CFAP54: variants seen among roughly 807,000 people sequenced by gnomAD.
The protein encoded by CFAP54 is cilia and flagella associated protein 54.
A neutral mutation model predicts 370.4 loss-of-function variants in CFAP54; 290 were observed. The observed-to-expected ratio is 0.78, with a 90% CI of 0.71 to 0.86. The LOEUF (loss-of-function observed/expected upper bound fraction) is 0.86, where lower values mean the gene tolerates loss of function less well. Among genes scored for constraint, CFAP54 ranks in the 40% least tolerant of loss-of-function variants. CFAP54 has a pLI of 0.00. For missense variants in CFAP54, 3,399 were observed against 3,528.7 expected (o/e 0.96, Z 0.93); for synonymous variants, 1,206 against 1,236.5 (o/e 0.98, Z 0.52).
chr12:96,759,795 C>T (rs950025325), intron 58 of CFAP54, among the ~76,000 whole-genome samples: 2 of 152,254 alleles, frequency 1.3e-5, no homozygotes, highest in Non-Finnish European at 2.9e-5. Context: ...GGATCCTTAC[C>T]TCTTAGAGTG....
At chr12:96,556,113 A>G (rs1955748151) in intron 17 of CFAP54, among the ~76,000 whole-genome samples, 1 of 152,050 alleles carries the variant, frequency 6.6e-6, no homozygotes, top group South Asian at 2.1e-4. Context: ...TTCCAGATGC[A>G]CCAAAGAGTT....
intron 1 of CFAP54, among the ~76,000 whole-genome samples, chr12:96,499,022 A>G (rs147871386): frequency 7.7e-4 from 118 of 152,306 alleles, no homozygotes; most frequent in African/African-American, 2.7e-3. Flanking sequence ...TCTTTTGCCC[A>G]GGCTGGAGTG....
intron 19 of CFAP54, among the ~76,000 whole-genome samples, chr12:96,569,866 G>A (rs954940276): frequency 2.0e-5 from 3 of 152,058 alleles, no homozygotes; most frequent in Admixed American, 2.0e-4. Context: ...AACTATATTA[G>A]CAGTAGTTGG....
At chr12:96,671,968 A>G (rs575895380) in intron 39 of CFAP54, among the ~76,000 whole-genome samples, 2 of 150,132 alleles carry the variant, frequency 1.3e-5, no homozygotes, top group South Asian at 2.1e-4. Flanking sequence ...GAAAGAAAGA[A>G]AGAGAGAGAG....
At chr12:96,547,832 C>T in intron 14 of CFAP54, 70 bp from the exon 15 acceptor site, 1 of 728,518 alleles carries the variant, frequency 1.4e-6, no homozygotes, top group Non-Finnish European at 2.1e-6. Flanking sequence ...CCTACTTTTC[C>T]TTTTTTTTCA....
At chr12:96,678,476 T>A (rs1409622607) in intron 39 of CFAP54, among the ~76,000 whole-genome samples, 1 of 152,168 alleles carries the variant, frequency 6.6e-6, no homozygotes, top group Non-Finnish European at 1.5e-5. Flanking sequence ...GGTCTCAAAC[T>A]CCTAACCTCA....
intron 24 of CFAP54, 73 bp from the exon 25 acceptor site, chr12:96,594,218 A>C (rs543395521): frequency 1.0e-5 from 11 of 1,059,862 alleles, no homozygotes; most frequent in Admixed American, 8.6e-5. Flanking sequence ...CACATTTTCT[A>C]CCCATTCTCC....
rs113105476 is a variant in CFAP54 at position 96,527,900 on chromosome 12, C to T, written c.1357+456C>T. Reference sequence around the variant, plus strand: ...TTTATATTGATCTTGAATTCAGAAACCTTGCTAAGGTCAATTGATATTTCA... The same window carrying T: ...TTTATATTGATCTTGAATTCAGAAATCTTGCTAAGGTCAATTGATATTTCA... On this transcript the variant is annotated intron_variant, in intron 9 of 67. Coordinates refer to ENST00000524981, the MANE Select transcript of CFAP54 (RefSeq NM_001306084.2). Among the ~76,000 whole-genome samples the T allele has an allele frequency of 4.2e-3, 633 of 152,252 alleles. 6 individuals are homozygous for T. The highest frequency in any genetic ancestry group is 0.014 in the African/African-American group (590 of 41,562).
At chr12:96,814,801 C>A (rs1015121294) in intron 64 of CFAP54, among the ~76,000 whole-genome samples, 2 of 152,118 alleles carry the variant, frequency 1.3e-5, no homozygotes, top group African/African-American at 4.8e-5. Context: ...TGAGAACATG[C>A]AGGGTTTGGT....
At chr12:96,728,179 A>C (rs1182943416) in intron 50 of CFAP54, among the ~76,000 whole-genome samples, 11 of 151,964 alleles carry the variant, frequency 7.2e-5, no homozygotes, top group African/African-American at 2.7e-4. Context: ...CTCGAGGAGT[A>C]TCTTTGTGGC....
Position 96,518,956 on chromosome 12 carries a change from T to A in CFAP54, c.827T>A (p.Met276Lys), listed in dbSNP as rs1453496472. 3.3e-6 allele frequency: 5 copies of A among 1,535,900 alleles called. No homozygotes were observed. The highest frequency in any genetic ancestry group is 4.4e-6 in the Non-Finnish European group (5 of 1,146,748). Residue 276 changes from methionine (M) to lysine (K), a missense_variant, in exon 6 of 68, where the codon ATG (methionine) becomes AAG (lysine). Physicochemically the swap from Met to Lys is moderately conservative, Grantham distance 95 (BLOSUM62 -1). Transcript: ENST00000524981. ...KALEYLLWASMCMESLVPLLS... is the reference protein window; with the variant it reads ...KALEYLLWASKCMESLVPLLS... ...TTAGAGTATCTCCTGTGGGCCAGCA[T>A]GTGTATGGAGTCCTTGGTCCCGCTC...
chr12:96,638,205 A>ATGTGTG lies in CFAP54; in HGVS notation c.4317-5941_4317-5936dup, dbSNP rs756775917. Reference sequence around the variant, plus strand: ...GCATCATATATATATATATATATGCATGTGTGTGTGTGTGTGTGTGTGTGT... The same window carrying ATGTGTG: ...GCATCATATATATATATATATATGCATGTGTGTGTGTGTGTGTGTGTGTGTGTGTGT... On this transcript the variant is annotated intron_variant, in intron 32 of 67. Coordinates refer to ENST00000524981, the MANE Select transcript of CFAP54 (RefSeq NM_001306084.2). Among the ~76,000 whole-genome samples, 1,066 of 122,632 alleles carry ATGTGTG rather than the reference A, an allele frequency of 8.7e-3. 6 individuals carry two copies. Among genetic ancestry groups the ATGTGTG allele is most frequent in the East Asian group, 0.02 (82 of 4,192 alleles). 80.5% of individuals were successfully genotyped at this position (122,632 alleles called of 152,430 possible).
At chr12:96,528,116 C>T (rs1056672825) in intron 9 of CFAP54, among the ~76,000 whole-genome samples, 2 of 151,998 alleles carry the variant, frequency 1.3e-5, no homozygotes, top group African/African-American at 4.8e-5. Context: ...TCATTTTTTT[C>T]CTCAGTTGGA....
intron 22 of CFAP54, among the ~76,000 whole-genome samples, chr12:96,586,962 G>A (rs1956080881): frequency 6.6e-6 from 1 of 152,154 alleles, no homozygotes; most frequent in Admixed American, 6.5e-5. Context: ...GTGAGAAGTA[G>A]TCAGTGTTTG....
intron 67 of CFAP54, among the ~76,000 whole-genome samples, chr12:96,870,548 T>C (rs966747886): frequency 6.6e-6 from 1 of 152,222 alleles, no homozygotes; most frequent in African/African-American, 2.4e-5. Flanking sequence ...CCTAGAACAA[T>C]GTCCAACACA....
At chr12:96,512,296 C>A (rs1955177655) in intron 4 of CFAP54, among the ~76,000 whole-genome samples, 3 of 87,370 alleles carry the variant, frequency 3.4e-5, no homozygotes, top group African/African-American at 8.2e-5. Flanking sequence ...CCATGGGAAC[C>A]AATTTTATAT....
At chr12:96,521,797 T>G in intron 6 of CFAP54, 60 bp from the exon 7 acceptor site, 1 of 1,254,972 alleles carries the variant, frequency 8.0e-7, no homozygotes, top group Non-Finnish European at 1.1e-6. Context: ...AACATTGTCT[T>G]TATACATTTT....
At chr12:96,844,040 C>T (rs1959265061) in intron 66 of CFAP54, among the ~76,000 whole-genome samples, 2 of 152,150 alleles carry the variant, frequency 1.3e-5, no homozygotes, top group South Asian at 4.1e-4. Context: ...CTTCAACTAC[C>T]AAAGCTCTTT....
chr12:96,719,084 A>G (rs1360229636), intron 49 of CFAP54, among the ~76,000 whole-genome samples: 1 of 152,058 alleles, frequency 6.6e-6, no homozygotes, highest in Non-Finnish European at 1.5e-5. Context: ...TTGGTGGGAT[A>G]TGAGTATTCC....
Sources: gnomAD v4.1 joint callset for allele counts (sites outside exome capture counted in the v4.1 genomes callset) on GRCh38, gnomAD v4.1.1 for gene constraint, MANE v1.5 for transcripts, NCBI Gene and HGNC (gene_info 2026-07-23, HGNC 2026-07-21) for gene names.